POT1: variants seen among roughly 807,000 people sequenced by gnomAD.
POT1 encodes protection of telomeres 1, also known as protection of telomeres protein 1.
Under a neutral mutation model 78.5 loss-of-function variants are expected in POT1, and 47 were observed. The observed-to-expected ratio is 0.60, with a 90% CI of 0.47 to 0.76. The LOEUF is 0.76. POT1 is among the 30% of genes least tolerant of loss of function. POT1 has a pLI of 0.00. For synonymous variants in POT1, 259 were observed against 260.7 expected (o/e 0.99, Z 0.06); for missense variants, 646 against 749.9 (o/e 0.86, Z 1.62).
intron 6 of POT1, among the ~76,000 whole-genome samples, chr7:124,883,436 A>G (rs565711433): frequency 6.6e-6 from 1 of 152,142 alleles, no homozygotes; most frequent in Admixed American, 6.6e-5. Context: ...AATGACATAT[A>G]TAACTTTGAA....
At chr7:124,832,074 C>A (rs1695196975) in intron 15 of POT1, among the ~76,000 whole-genome samples, 1 of 149,308 alleles carries the variant, frequency 6.7e-6, no homozygotes, top group South Asian at 2.1e-4. Flanking sequence ...TCAAGAACAG[C>A]CTGGGCAACA....
chr7:124,893,407 C>T (rs1006179613), intron 5 of POT1, among the ~76,000 whole-genome samples: 12 of 151,358 alleles, frequency 7.9e-5, no homozygotes, highest in African/African-American at 2.9e-4. Context: ...ACTAACAATT[C>T]CTAAATTCTT....
intron 3 of POT1, among the ~76,000 whole-genome samples, chr7:124,910,640 T>C (rs1584522282): frequency 6.6e-6 from 1 of 152,130 alleles, no homozygotes. Context: ...CCTTATTTGC[T>C]ATTGAACTAT....
intron 6 of POT1, among the ~76,000 whole-genome samples, chr7:124,886,946 A>C (rs894339130): frequency 2.0e-5 from 3 of 152,134 alleles, no homozygotes; most frequent in Non-Finnish European, 2.9e-5. Flanking sequence ...TGTTAAAAAA[A>C]CTTTTTAAAT....
At chr7:124,880,491 A>G (rs2116596422) in intron 6 of POT1, among the ~76,000 whole-genome samples, 1 of 152,232 alleles carries the variant, frequency 6.6e-6, no homozygotes, top group Non-Finnish European at 1.5e-5. Flanking sequence ...GAACTGACAA[A>G]GCTCAGTCCC....
chr7:124,893,041 T>C (rs1796409921), intron 5 of POT1, among the ~76,000 whole-genome samples: 1 of 151,132 alleles, frequency 6.6e-6, no homozygotes, highest in Admixed American at 6.6e-5. Flanking sequence ...TTAGAAAACT[T>C]TTTTTTTAAG....
At chr7:124,841,521 A>C (rs1467163704) in intron 13 of POT1, among the ~76,000 whole-genome samples, 3 of 151,830 alleles carry the variant, frequency 2.0e-5, no homozygotes, top group African/African-American at 7.2e-5. Context: ...CCAGTAGGAG[A>C]AAAAAATGCA....
Position 124,823,983 on chromosome 7 carries a change from T to G in POT1, c.1884A>C (p.Thr628=), listed in dbSNP as rs17147565. The change falls in exon 19 of 19, where the codon ACA becomes ACC. Residue 628 remains threonine (T), a synonymous_variant. Transcript: ENST00000357628. ...NQICYQIFDT[T]VAEDVI is the part of the protein sequence containing the mutation. ...AATATTAGATTACATCTTCTGCAAC[T>G]GTGGTGTCAAAAATCTGATAGCAAA... 9,370 of 1,588,362 alleles carry G rather than the reference T, an allele frequency of 5.9e-3. 477 individuals carry two copies. The African/African-American group carries it at 0.11, about 19-fold the overall frequency.
chr7:124,927,990 C>T (rs1383319507), intron 2 of POT1, among the ~76,000 whole-genome samples: 4 of 152,136 alleles, frequency 2.6e-5, no homozygotes, highest in Admixed American at 1.3e-4. Context: ...AGGCAAATTG[C>T]TTAACCTTTC....
At chr7:124,825,442 C>T in intron 17 of POT1, 85 bp from the exon 18 acceptor site, 4 of 803,736 alleles carry the variant, frequency 5.0e-6, no homozygotes, top group Non-Finnish European at 5.6e-6. Context: ...TCAATATTGT[C>T]CAATTAAAAG....
At chr7:124,849,834 G>A (rs1795261594) in intron 11 of POT1, among the ~76,000 whole-genome samples, 1 of 151,978 alleles carries the variant, frequency 6.6e-6, no homozygotes, top group South Asian at 2.1e-4. Flanking sequence ...GTTGAAGAAA[G>A]CAACTATTTA....
In POT1 at chr7:124,835,353, T is replaced by G; in HGVS notation, c.1431A>C (p.Arg477Ser). ...AAAGTTCCAGGTCTTCGTGGCCAGA[T>G]CTCACAGGAATTACACTATTAAACT... ...SNKFNSVIPV[R>S]SGHEDLELLD... Residue 477 changes from arginine (R) to serine (S), a missense_variant, in exon 15 of 19, where the codon AGA becomes AGC. Around this residue, in one of 2 missense-constraint regions of POT1, gnomAD observed 394 missense variants for 408.4 expected, o/e 0.96. Transcript: ENST00000357628. 1 of 1,614,110 alleles carries G rather than the reference T, an allele frequency of 6.2e-7. No individual in the cohort carries two copies. The highest frequency in any genetic ancestry group is 8.5e-7 in the Non-Finnish European group (1 of 1,179,988).
intron 7 of POT1, among the ~76,000 whole-genome samples, chr7:124,868,512 G>A (rs1226314795): frequency 1.3e-5 from 2 of 151,656 alleles, no homozygotes; most frequent in Non-Finnish European, 2.9e-5. Flanking sequence ...AAATAGATAA[G>A]AAATAAAAAA....
At chr7:124,913,548 C>T (rs1056641532) in intron 3 of POT1, among the ~76,000 whole-genome samples, 2 of 152,080 alleles carry the variant, frequency 1.3e-5, no homozygotes, top group East Asian at 3.9e-4. Context: ...CAATCCATTG[C>T]CAAATCCAAG....
chr7:124,857,884 G>C (rs1182069476), intron 9 of POT1, among the ~76,000 whole-genome samples: 1 of 152,168 alleles, frequency 6.6e-6, no homozygotes, highest in Non-Finnish European at 1.5e-5. Context: ...GGATGACAGA[G>C]CTAAAACAGT....
At chr7:124,834,168 G>C (rs2116440166) in intron 15 of POT1, among the ~76,000 whole-genome samples, 1 of 151,862 alleles carries the variant, frequency 6.6e-6, no homozygotes, top group South Asian at 2.1e-4. Context: ...GGAAACCTGG[G>C]CAATACCATT....
At chr7:124,926,410 T>C (rs1797275020) in intron 2 of POT1, among the ~76,000 whole-genome samples, 1 of 151,974 alleles carries the variant, frequency 6.6e-6, no homozygotes, top group African/African-American at 2.4e-5. Flanking sequence ...CCAATCAGAA[T>C]GGGTATTAAA....
At chr7:124,861,384 T>C (rs1350845129) in intron 8 of POT1, among the ~76,000 whole-genome samples, 2 of 152,168 alleles carry the variant, frequency 1.3e-5, no homozygotes, top group African/African-American at 4.8e-5. Context: ...CATATGTCTG[T>C]TAGCCACATA....
At chr7:124,847,120 T>A (rs892298792) in intron 11 of POT1, 122 bp from the exon 12 acceptor site, 15 of 641,914 alleles carry the variant, frequency 2.3e-5, no homozygotes, top group Non-Finnish European at 3.6e-5. Flanking sequence ...TATGCCACAT[T>A]CATGATTTAG....
Sources: gnomAD v4.1 joint callset for allele counts (sites outside exome capture counted in the v4.1 genomes callset) on GRCh38, gnomAD v4.1.1 for gene constraint, gnomAD v4.1.1 regional missense constraint, MANE v1.5 for transcripts, NCBI Gene and HGNC (gene_info 2026-07-23, HGNC 2026-07-21) for gene names.